Variants in PLXNA4 observed in about 807,000 individuals in gnomAD.
The protein encoded by PLXNA4 is plexin-A4.
In PLXNA4, 44 loss-of-function variants were observed where a neutral mutation model predicts 191.8. That is an observed-to-expected ratio of 0.23 (90% CI 0.18 to 0.29). The LOEUF (loss-of-function observed/expected upper bound fraction) is 0.29, where lower values mean the gene tolerates loss of function less well. Among genes scored for constraint, PLXNA4 ranks in the 10% least tolerant of loss-of-function variants. PLXNA4 has a pLI of 1.00. For missense variants in PLXNA4, 1,800 were observed against 2,488.8 expected, an observed-to-expected ratio of 0.72 and a Z score of 5.89; for synonymous variants, 1,082 against 1,009.5, an observed-to-expected ratio of 1.07 and a Z score of -1.36.
intron 19 of PLXNA4, 22 bp from the exon 20 acceptor site, chr7:132,179,943 G>A (rs781558598): frequency 8.2e-6 from 13 of 1,588,178 alleles, no homozygotes; most frequent in African/African-American, 1.3e-5. Context: ...CAGGGCAAGA[G>A]GGAGCTGGGT....
intron 3 of PLXNA4, among the ~76,000 whole-genome samples, chr7:132,362,151 A>G (rs6972176): frequency 6.6e-6 from 1 of 151,614 alleles, no homozygotes; most frequent in South Asian, 2.1e-4. Flanking sequence ...CATTTAGAGG[A>G]CTTTATACAT....
intron 4 of PLXNA4, among the ~76,000 whole-genome samples, chr7:132,247,816 G>C (rs1288372101): frequency 2.0e-5 from 3 of 152,294 alleles, no homozygotes; most frequent in African/African-American, 7.2e-5. Context: ...CTTATTTCAA[G>C]TCACTCCACA....
intron 2 of PLXNA4, among the ~76,000 whole-genome samples, chr7:132,498,239 C>T (rs1266690283): frequency 6.6e-6 from 1 of 152,106 alleles, no homozygotes; most frequent in Non-Finnish European, 1.5e-5. Context: ...CTGTGCCTAA[C>T]TGATAAATTA....
At chr7:132,642,264 TTAAA>T (rs1406321290) in intron 2 of PLXNA4, among the ~76,000 whole-genome samples, 1 of 152,172 alleles carries the variant, frequency 6.6e-6, no homozygotes, top group Non-Finnish European at 1.5e-5. Context: ...ATTTCTGTAA[TTAAA>T]TATAGTAAAT....
At chr7:132,406,046 C>T (rs1014119270) in intron 3 of PLXNA4, among the ~76,000 whole-genome samples, 1 of 152,180 alleles carries the variant, frequency 6.6e-6, no homozygotes, top group African/African-American at 2.4e-5. Context: ...CTCAATGTGG[C>T]CTCAGTGCAG....
At chr7:132,334,252 C>CTTTTTTTTTTTTTTTTTT (rs71529758) in intron 3 of PLXNA4, among the ~76,000 whole-genome samples, 33 of 75,596 alleles carry the variant, frequency 4.4e-4, no homozygotes, top group Non-Finnish European at 6.2e-4. Context: ...TTCTTTCTTT[C>CTTTTTTTTTTTTTTTTTT]TTTTTTTTTT....
chr7:132,540,898 TA>T (rs1800052456), intron 1 of PLXNA4, among the ~76,000 whole-genome samples: 2 of 152,168 alleles, frequency 1.3e-5, no homozygotes, highest in African/African-American at 4.8e-5. Context: ...GGACCGTTCT[TA>T]AAAACTTTGT....
intron 4 of PLXNA4, among the ~76,000 whole-genome samples, chr7:132,263,127 G>A (rs1013728239): frequency 6.6e-6 from 1 of 152,126 alleles, no homozygotes; most frequent in African/African-American, 2.4e-5. Flanking sequence ...TATGAGAGAG[G>A]GAGGCTGAGC....
At chr7:132,464,275 G>T (rs1195215280) in intron 3 of PLXNA4, among the ~76,000 whole-genome samples, 1 of 152,204 alleles carries the variant, frequency 6.6e-6, no homozygotes. Context: ...TCAGGAGGGA[G>T]CTGCAGAGAA....
rs1796027725 is a variant in PLXNA4 at position 132,164,126 on chromosome 7, A to G, written c.4500+16T>C. On this transcript the variant is annotated intron_variant, in intron 24 of 31. Coordinates refer to ENST00000321063, the MANE Select transcript of PLXNA4 (RefSeq NM_020911.2). ...CGCCTGTCAAAGCCCCAGGGGAAAC[A>G]GATGGGTGGGCTCACCAGGGTTTTG... 1.2e-6 allele frequency: 2 copies of G among 1,613,304 alleles called. No individual in the cohort carries two copies. Among genetic ancestry groups the G allele is most frequent in the Non-Finnish European group, 1.7e-6 (2 of 1,180,000 alleles).
intron 4 of PLXNA4, among the ~76,000 whole-genome samples, chr7:132,294,886 A>T (rs966849919): frequency 1.3e-5 from 2 of 152,256 alleles, no homozygotes; most frequent in Non-Finnish European, 2.9e-5. Context: ...GAAGGTGGCC[A>T]TCTGCAAGCC....
chr7:132,501,450 C>T (rs1049495813), intron 2 of PLXNA4, among the ~76,000 whole-genome samples: 2 of 152,198 alleles, frequency 1.3e-5, no homozygotes, highest in African/African-American at 2.4e-5. Context: ...CGTTAAAATT[C>T]AGCCTGTGTG....
At chr7:132,146,465 T>A (rs2116568470) in intron 28 of PLXNA4, 45 bp downstream of exon 28, 2 of 1,614,122 alleles carry the variant, frequency 1.2e-6, no homozygotes, top group Non-Finnish European at 8.5e-7. Flanking sequence ...GAAGTCCCTC[T>A]CCATAGCCTC....
intron 4 of PLXNA4, among the ~76,000 whole-genome samples, chr7:132,246,639 A>G (rs1290584241): frequency 6.6e-6 from 1 of 152,024 alleles, no homozygotes; most frequent in Non-Finnish European, 1.5e-5. Context: ...TTCCCCCTAG[A>G]TCACCTTTCT....
intron 2 of PLXNA4, among the ~76,000 whole-genome samples, chr7:132,607,125 C>T (rs763068379): frequency 1.4e-4 from 22 of 152,152 alleles, no homozygotes; most frequent in Admixed American, 3.3e-4. Flanking sequence ...AAAAGTTTAA[C>T]GAGACTAACC....
At chr7:132,402,978 G>A (rs748354970) in intron 3 of PLXNA4, among the ~76,000 whole-genome samples, 64 of 152,218 alleles carry the variant, frequency 4.2e-4, no homozygotes, top group African/African-American at 1.3e-3. Context: ...ATGCAAATGC[G>A]TAATAACTGG....
intron 1 of PLXNA4, among the ~76,000 whole-genome samples, chr7:132,512,264 A>G (rs2116293302): frequency 6.6e-6 from 1 of 152,262 alleles, no homozygotes; most frequent in African/African-American, 2.4e-5. Flanking sequence ...TGCCTACCCC[A>G]CGACCTGCCT....
At chr7:132,242,388 A>G (rs531095296) in intron 4 of PLXNA4, among the ~76,000 whole-genome samples, 18 of 152,172 alleles carry the variant, frequency 1.2e-4, no homozygotes, top group Non-Finnish European at 2.5e-4. Flanking sequence ...TTTATGGGGC[A>G]TGTGCCTCTG....
intron 30 of PLXNA4, among the ~76,000 whole-genome samples, chr7:132,136,085 T>C (rs1362634863): frequency 6.6e-6 from 1 of 152,122 alleles, no homozygotes; most frequent in East Asian, 1.9e-4. Flanking sequence ...CAGGGCTTTG[T>C]TGATGCTGTC....
Sources: allele counts gnomAD v4.1 joint callset (sites outside exome capture counted in the v4.1 genomes callset), GRCh38; gene constraint gnomAD v4.1.1; transcripts MANE v1.5; gene names NCBI Gene and HGNC (gene_info 2026-07-23, HGNC 2026-07-21).